The following SIRPB1 variants were observed in gnomAD, a reference collection of about 807,000 sequenced individuals.
SIRPB1 encodes the protein signal-regulatory protein beta-1.
SIRPB1 carries 28 observed loss-of-function variants against 34.1 expected under a neutral mutation model. The ratio of observed to expected loss-of-function variants is 0.82; its 90% confidence interval spans 0.61 to 1.12. The LOEUF is 1.12. SIRPB1 is among the 50% of genes most tolerant of loss of function. The probability of loss-of-function intolerance (pLI) is 0.00; values close to 1 mark genes in which losing one functional copy is unlikely to be tolerated. For missense variants in SIRPB1, 499 were observed against 507.0 expected (o/e 0.98, Z 0.15); for synonymous variants, 211 against 203.8 (o/e 1.04, Z -0.30).
chr20:1,570,836 G>A lies in SIRPB1; in HGVS notation c.1053C>T (p.His351=). 1 of 1,614,102 alleles carries A rather than the reference G, an allele frequency of 6.2e-7. No individual in the cohort carries two copies. The highest frequency in any genetic ancestry group is 1.6e-4 in the Middle Eastern group (1 of 6,062). The part of the protein sequence containing the change: ...SKSYALEISA[H]QKEHGSDITH... ...TGATATCTGAGCCGTGCTCCTTCTG[G>A]TGCGCTGAGATCTCCAGGGCATAGC... The change falls in exon 4 of 6, where the codon CAC becomes CAT. Residue 351 remains histidine, a synonymous_variant. Transcript: ENST00000381605.
chr20:1,563,289 T>A lies in SIRPB1; in HGVS notation c.*2211A>T, dbSNP rs1417335245. Among the ~76,000 whole-genome samples, 1 of 151,514 alleles carries A rather than the reference T, an allele frequency of 6.6e-6. No individual in the cohort carries two copies. The highest frequency in any genetic ancestry group is 1.5e-5 in the Non-Finnish European group (1 of 67,884). The stretch of plus-strand genomic sequence containing the variant: ...CAGGTGGATCACCTGAGGTCGGGAG[T>A]TCAAGACTAGTCTGATCAACATGGA... On this transcript the variant is annotated 3_prime_UTR_variant, in exon 6 of 6. Transcript: ENST00000381605.
rs1176526760 is a variant in SIRPB1, at chr20:1,594,830, T to G, written c.77-16136A>C. 1.6e-4 allele frequency among the ~76,000 whole-genome samples: 8 copies of G among 49,506 alleles called. 4 individuals are homozygous for G. In the East Asian group the frequency reaches 4.6e-3, roughly 28 times the overall value. The allele number at this position is 49,506 out of a possible 152,430, so 32.5% of individuals were successfully genotyped here. On this transcript the variant is annotated intron_variant, in intron 1 of 5. Transcript: ENST00000381605. The stretch of plus-strand genomic sequence containing the variant: ...TGCAAAGTGCCTAATAGTATCTGAC[T>G]GTATCCTCAAACCTAGATATTCAGT...
At chr20:1,567,400 C>A (rs961883606) in intron 4 of SIRPB1, among the ~76,000 whole-genome samples, 3 of 152,204 alleles carry the variant, frequency 2.0e-5, no homozygotes, top group African/African-American at 7.2e-5. Flanking sequence ...CTTTGTACTG[C>A]CTGCACTGTG....
In SIRPB1 at chr20:1,561,839, CTT is replaced by C. The variant is rs2091085472; in HGVS notation, c.*3659_*3660del. Among the ~76,000 whole-genome samples the C allele has an allele frequency of 6.6e-6, 1 of 152,122 alleles. No individual in the cohort carries two copies. The highest frequency in any genetic ancestry group is 1.5e-5 in the Non-Finnish European group (1 of 68,016). The stretch of plus-strand genomic sequence containing the variant: ...TTTCTCCTTTTTTCCATGCTGTACT[CTT>C]TGCAAAGAAGTCGCAGTGCACAGCC... On this transcript the variant is annotated 3_prime_UTR_variant, in exon 6 of 6. Transcript: ENST00000381605.
At position 1,577,118 on chromosome 20, in the gene SIRPB1, T is replaced by C. The variant is rs1456100682; in HGVS notation, c.433+1220A>G. ...CTTACATTTGGGAGAAGTTTTCTAG[T>C]CACCAATGAGCTTTAGTATCTGAAT... On this transcript the variant is annotated intron_variant, in intron 2 of 5. Transcript: ENST00000381605. Among the ~76,000 whole-genome samples, 7 of 148,370 alleles carry C rather than the reference T, an allele frequency of 4.7e-5. 1 individual carries two copies. The highest frequency in any genetic ancestry group is 7.3e-5 in the African/African-American group (3 of 40,868).
At chr20:1,572,070 G>T (rs1232414235) in intron 2 of SIRPB1, 33 bp from the exon 3 acceptor site, 1 of 1,613,382 alleles carries the variant, frequency 6.2e-7, no homozygotes, top group Non-Finnish European at 8.5e-7. Context: ...CAGGAGACAT[G>T]ACTCAGATGA....
chr20:1,617,724 A>G (rs1053313285), intron 1 of SIRPB1, among the ~76,000 whole-genome samples: 1 of 152,218 alleles, frequency 6.6e-6, no homozygotes, highest in African/African-American at 2.4e-5. Flanking sequence ...GGTAGGTCAT[A>G]TGTTAATTAG....
rs1193146845 is a variant in SIRPB1 at position 1,603,380 on chromosome 20, A to T, written c.76+16489T>A. On this transcript the variant is annotated intron_variant, in intron 1 of 5. Coordinates refer to ENST00000381605, the MANE Select transcript of SIRPB1 (RefSeq NM_006065.5). ...GGGGCGTGGTCCAGGCTTAAACTCC[A>T]CATGTCTTTCTGAAATTCACACAGC... Among the ~76,000 whole-genome samples the T allele has an allele frequency of 6.0e-5, 3 of 49,626 alleles. 1 individual carries two copies. Among genetic ancestry groups the T allele is most frequent in the Non-Finnish European group, 1.2e-4 (3 of 25,590 alleles). 32.6% of individuals were successfully genotyped at this position (49,626 alleles called of 152,430 possible). A position where few individuals can be genotyped will look rare whatever the true frequency, so the allele number is the denominator to read the frequency against.
intron 1 of SIRPB1, chr20:1,605,915 G>C (rs1167077072): frequency 4.9e-6 from 1 of 205,690 alleles, no homozygotes; most frequent in Non-Finnish European, 9.4e-6. Flanking sequence ...GCCAGGGTCC[G>C]TGGGATTTTG....
At chr20:1,566,413 C>A in intron 4 of SIRPB1, 146 bp from the exon 5 acceptor site, 1 of 558,720 alleles carries the variant, frequency 1.8e-6, no homozygotes, top group Non-Finnish European at 3.2e-6. Flanking sequence ...TTTCCTGACT[C>A]CAGCCGAAAG....
chr20:1,604,602 G>C lies in SIRPB1; in HGVS notation c.76+15267C>G. ...TTAGTAAGTGGCTGGCACATCTAGG[G>C]GCATGGGAGGTGGGCAGTTAGGAAT... On this transcript the variant is annotated intron_variant, in intron 1 of 5. Coordinates refer to ENST00000381605, the MANE Select transcript of SIRPB1 (RefSeq NM_006065.5). 1.4e-5 allele frequency: 3 copies of C among 221,806 alleles called. 1 individual carries two copies. Among genetic ancestry groups the C allele is most frequent in the Non-Finnish European group, 2.3e-5 (3 of 129,380 alleles). 13.7% of individuals were successfully genotyped at this position (221,806 alleles called of 1,614,324 possible). A position where few individuals can be genotyped will look rare whatever the true frequency, so the allele number is the denominator to read the frequency against.
Position 1,603,811 on chromosome 20 carries a change from A to G in SIRPB1, c.76+16058T>C. On this transcript the variant is annotated intron_variant, in intron 1 of 5. Coordinates refer to ENST00000381605, the MANE Select transcript of SIRPB1 (RefSeq NM_006065.5). ...TTTAAAAATTTGAAGTAACCTTACC[A>G]GGAGCAGTATTTGAGCCCTGCTCCT... 3.4e-6 allele frequency: 2 copies of G among 591,448 alleles called. 1 individual carries two copies. Among genetic ancestry groups the G allele is most frequent in the Non-Finnish European group, 4.5e-6 (2 of 446,672 alleles). The allele number at this position is 591,448 out of a possible 1,614,324, so 36.6% of individuals were successfully genotyped here. A position where few individuals can be genotyped will look rare whatever the true frequency, so the allele number is the denominator to read the frequency against.
chr20:1,573,655 G>T (rs2091273197), intron 2 of SIRPB1, among the ~76,000 whole-genome samples: 1 of 146,210 alleles, frequency 6.8e-6, no homozygotes, highest in South Asian at 2.1e-4. Flanking sequence ...AGGGCTTCTT[G>T]GCAGCCTGAT....
chr20:1,569,553 C>T lies in SIRPB1; in HGVS notation c.1084+1252G>A, dbSNP rs147963521. Among the ~76,000 whole-genome samples the T allele has an allele frequency of 7.8e-3, 1,188 of 152,314 alleles. 17 individuals are homozygous for T. The highest frequency in any genetic ancestry group is 0.028 in the African/African-American group (1,146 of 41,566). ...TGGGGACATTGTTTGTCTTCTATTT[C>T]GTGTCTTTCCTCTTCTGGCAGGCAG... On this transcript the variant is annotated intron_variant, in intron 4 of 5. Transcript: ENST00000381605.
At chr20:1,567,528 G>T (rs770793210) in intron 4 of SIRPB1, among the ~76,000 whole-genome samples, 1 of 152,178 alleles carries the variant, frequency 6.6e-6, no homozygotes, top group Non-Finnish European at 1.5e-5. Context: ...GCCTCCCAGA[G>T]AAACTGTCCT....
Position 1,564,802 on chromosome 20 carries a change from G to A in SIRPB1, c.*698C>T. The A allele has an allele frequency of 5.0e-6, 2 of 397,944 alleles. No homozygotes were observed. The highest frequency in any genetic ancestry group is 7.1e-5 in the East Asian group (2 of 28,070). 24.7% of individuals were successfully genotyped at this position (397,944 alleles called of 1,614,324 possible). A position where few individuals can be genotyped will look rare whatever the true frequency, so the allele number is the denominator to read the frequency against. On this transcript the variant is annotated 3_prime_UTR_variant, in exon 6 of 6. Coordinates refer to ENST00000381605, the MANE Select transcript of SIRPB1 (RefSeq NM_006065.5). ...GTTTTTCCCTTTCAGAAAGTCCATTGTTAAACATTTACCATCTCATGTAAG... is the reference window on the plus strand; with the variant it reads ...GTTTTTCCCTTTCAGAAAGTCCATTATTAAACATTTACCATCTCATGTAAG...
rs759672635 is a variant in SIRPB1, at chr20:1,611,409, G to T, written c.76+8460C>A. ...CAGACTTAAACTCCACGTGGTCGGG[G>T]CTCCCTTTCCGGAACTTCACACAGT... On this transcript the variant is annotated intron_variant, in intron 1 of 5. Coordinates refer to ENST00000381605, the MANE Select transcript of SIRPB1 (RefSeq NM_006065.5). The T allele has an allele frequency of 3.2e-5, 31 of 957,882 alleles. 7 individuals carry two copies. 59.3% of individuals were successfully genotyped at this position (957,882 alleles called of 1,614,324 possible).
intron 1 of SIRPB1, among the ~76,000 whole-genome samples, chr20:1,579,525 T>C (rs1453562532): frequency 6.7e-6 from 1 of 148,568 alleles, no homozygotes; most frequent in Non-Finnish European, 1.5e-5. Context: ...GAGGCTCTGA[T>C]AGGGCCTGCT....
chr20:1,602,489 C>T lies in SIRPB1; in HGVS notation c.76+17380G>A, dbSNP rs2091480444. Among the ~76,000 whole-genome samples the T allele has an allele frequency of 4.1e-5, 2 of 49,160 alleles. 1 individual carries two copies. Among genetic ancestry groups the T allele is most frequent in the Admixed American group, 2.7e-4 (2 of 7,394 alleles). The allele number at this position is 49,160 out of a possible 152,430, so 32.3% of individuals were successfully genotyped here. On this transcript the variant is annotated intron_variant, in intron 1 of 5. Coordinates refer to ENST00000381605, the MANE Select transcript of SIRPB1 (RefSeq NM_006065.5). ...TATTTCATAGAAAAATACTACCAAA[C>T]ATTTACAGATAAATTAATACCAAAT... is the stretch of plus-strand genomic sequence containing the variant.
Sources: gnomAD v4.1 joint callset for allele counts (sites outside exome capture counted in the v4.1 genomes callset) on GRCh38, gnomAD v4.1.1 for gene constraint, MANE v1.5 for transcripts, NCBI Gene and HGNC (gene_info 2026-07-23, HGNC 2026-07-21) for gene names.